JPH1: variants seen among roughly 807,000 people sequenced by gnomAD.
JPH1 encodes the protein junctophilin 1.
In JPH1, 12 loss-of-function variants were observed where a neutral mutation model predicts 53.6. That is an observed-to-expected ratio of 0.22 (90% CI 0.14 to 0.36). The LOEUF is 0.36. JPH1 is among the 10% of genes least tolerant of loss of function. The pLI is 1.00. For missense variants in JPH1, 808 were observed against 905.5 expected, an observed-to-expected ratio of 0.89 and a Z score of 1.38; for synonymous variants, 375 against 363.8, an observed-to-expected ratio of 1.03 and a Z score of -0.35.
In JPH1 at chr8:74,320,740, C is replaced by A. The variant is rs1377808795; in HGVS notation, c.379+169G>T. Among the ~76,000 whole-genome samples, 1 of 152,178 alleles carries A rather than the reference C, an allele frequency of 6.6e-6. No homozygotes were observed. The highest frequency in any genetic ancestry group is 1.5e-5 in the Non-Finnish European group (1 of 68,014). The stretch of plus-strand genomic sequence containing the variant: ...CCCTCGCGCCCCAGTCCGGTCCCAG[C>A]GCCCTCTCTGGGAAAGGCGGGCGCG... On this transcript the variant is annotated intron_variant, in intron 1 of 5. Coordinates refer to ENST00000342232, the MANE Select transcript of JPH1 (RefSeq NM_020647.4). This position sits in a 1 kb window ranked among gnomAD's most constrained non-coding sequence, Gnocchi z 4.4.
intron 4 of JPH1, among the ~76,000 whole-genome samples, 160 bp from the exon 5 acceptor site, chr8:74,237,463 T>C (rs756049650): frequency 1.6e-4 from 25 of 152,146 alleles, no homozygotes; most frequent in Non-Finnish European, 2.5e-4. Flanking sequence ...AAAACGGCAA[T>C]GCTATGTTTA....
intron 2 of JPH1, among the ~76,000 whole-genome samples, chr8:74,262,734 T>C (rs1423859919): frequency 6.6e-6 from 1 of 152,220 alleles, no homozygotes; most frequent in Non-Finnish European, 1.5e-5. Flanking sequence ...TGTGAAGAGT[T>C]GCACCTTATG....
chr8:74,310,983 C>T (rs568403662), intron 2 of JPH1, among the ~76,000 whole-genome samples: 1 of 152,278 alleles, frequency 6.6e-6, no homozygotes, highest in East Asian at 1.9e-4. Flanking sequence ...GCTCTCTTGG[C>T]CTTTCCAGAT....
chr8:74,306,263 T>C (rs1221274875), intron 2 of JPH1, among the ~76,000 whole-genome samples: 1 of 152,148 alleles, frequency 6.6e-6, no homozygotes, highest in East Asian at 1.9e-4. Flanking sequence ...AGCTGGCACC[T>C]AGGTCATCTT....
rs16938828 is a variant in JPH1 at position 74,244,564 on chromosome 8, C to G, written c.1870G>C (p.Asp624His). The change falls in exon 4 of 6, where the codon GAT becomes CAT. Residue 624 changes from aspartate to histidine, a missense_variant. Coordinates refer to ENST00000342232, the MANE Select transcript of JPH1 (RefSeq NM_020647.4). ...TCTTTTTCCAAAGCAGGGCATGAAT[C>G]GTTGCTTGCTGGATTCTTTGGTATA... is the stretch of plus-strand genomic sequence containing the variant. ...LAIPKNPASN[D>H]SCPALEKEAN... 0.016 allele frequency: 25,348 copies of G among 1,612,150 alleles called. 269 individuals are homozygous for G. The highest frequency in any genetic ancestry group is 0.021 in the South Asian group (1,908 of 90,670).
Position 74,321,120 on chromosome 8 carries a change from G to T in JPH1, c.168C>A (p.Ser56Arg). The stretch of plus-strand genomic sequence containing the variant: ...CCCAGTAGCCCTGGTAGGTGTTGCC[G>T]CTGGGCCAGGTGTAGCCTCCGACCA... ...FEVVGGYTWP[S>R]GNTYQGYWAQ... The change falls in exon 1 of 6, where the codon AGC (serine) becomes AGA (arginine). Residue 56 changes from serine (S) to arginine (R), a missense_variant. This residue lies in a region of JPH1 where 52 missense variants were observed against 93.6 expected (regional missense o/e 0.56). Transcript: ENST00000342232. The surrounding 1 kb of genome is among the most constrained non-coding windows in gnomAD (Gnocchi z 4.3). The T allele has an allele frequency of 6.2e-7, 1 of 1,613,450 alleles. No homozygotes were observed. The highest frequency in any genetic ancestry group is 8.5e-7 in the Non-Finnish European group (1 of 1,179,774).
At position 74,306,007 on chromosome 8, in the gene JPH1, G is replaced by T. The variant is rs1807822157; in HGVS notation, c.1139+8854C>A. 2.0e-5 allele frequency among the ~76,000 whole-genome samples: 3 copies of T among 149,250 alleles called. No individual in the cohort carries two copies. In the South Asian group the frequency reaches 6.2e-4, roughly 31 times the overall value. ...GAGGGCTGGAGAAAGAGTTTTTTTT[G>T]TTTTGTTTTGTTTTGTTTTAAAGAA... On this transcript the variant is annotated intron_variant, in intron 2 of 5. Transcript: ENST00000342232.
chr8:74,276,074 A>G (rs939704101), intron 2 of JPH1, among the ~76,000 whole-genome samples: 16 of 152,224 alleles, frequency 1.1e-4, no homozygotes, highest in African/African-American at 3.4e-4. Flanking sequence ...TGAAAGGGTT[A>G]TGGGTCATTA....
intron 3 of JPH1, among the ~76,000 whole-genome samples, chr8:74,249,529 G>C (rs1805974988): frequency 6.6e-6 from 1 of 152,168 alleles, no homozygotes; most frequent in Admixed American, 6.5e-5. Context: ...CCCTGCACTT[G>C]GCTGGCACTC....
In JPH1 at chr8:74,244,891, T is replaced by C. The variant is rs1289959364; in HGVS notation, c.1543A>G (p.Met515Val). Reference sequence around the variant, plus strand: ...GCCTCCTTCGTGGGAGCCTTTGACATCAAGGGCTTATTGACAATGGCCGTC... The same window carrying C: ...GCCTCCTTCGTGGGAGCCTTTGACACCAAGGGCTTATTGACAATGGCCGTC... ...QVTAIVNKPLMSKAPTKEAGA... is the reference protein window; with the variant it reads ...QVTAIVNKPLVSKAPTKEAGA... Residue 515 changes from methionine (M) to valine (V), a missense_variant, in exon 4 of 6, where the codon ATG becomes GTG. Met to Val is a conservative substitution (Grantham distance 21). Around this residue, in one of 2 missense-constraint regions of JPH1, gnomAD observed 756 missense variants for 811.9 expected, o/e 0.93. Transcript: ENST00000342232. The C allele has an allele frequency of 6.2e-7, 1 of 1,614,032 alleles. No individual in the cohort carries two copies. The highest frequency in any genetic ancestry group is 1.3e-5 in the African/African-American group (1 of 74,906).
chr8:74,315,645 C>T lies in JPH1; in HGVS notation c.380-25G>A, dbSNP rs780533673. ...CCTTGGAGAGACCGCAAGAAAGCAC[C>T]GTGAGTCGGGGGCAGAGCTGCACCG... On this transcript the variant is annotated intron_variant, in intron 1 of 5. Transcript: ENST00000342232. This position sits in a 1 kb window ranked among gnomAD's most constrained non-coding sequence, Gnocchi z 6.3. 1.9e-6 allele frequency: 3 copies of T among 1,568,720 alleles called. No homozygotes were observed. In the South Asian group the frequency reaches 3.5e-5, roughly 18 times the overall value.
intron 3 of JPH1, among the ~76,000 whole-genome samples, chr8:74,247,511 T>C (rs575624876): frequency 6.6e-6 from 1 of 152,274 alleles, no homozygotes; most frequent in East Asian, 1.9e-4. Context: ...ATTGCCAATA[T>C]CTACTAAGAT....
chr8:74,320,981 G>C lies in JPH1; in HGVS notation c.307C>G (p.Pro103Ala), dbSNP rs1387267462. ...CTCCAGGTACCCTCGTAGCGAGCGG[G>C]GGTGCACAGGCTCTGCCGGACCCCG... is the stretch of plus-strand genomic sequence containing the variant. ...RYGVRQSLCTPARYEGTWSNG... is the reference protein window; with the variant it reads ...RYGVRQSLCTAARYEGTWSNG... Residue 103 changes from proline to alanine, a missense_variant, in exon 1 of 6, where the codon CCC becomes GCC. By Grantham distance (27) the Pro-to-Ala change is conservative. Around this residue, in one of 2 missense-constraint regions of JPH1, gnomAD observed 756 missense variants for 811.9 expected, o/e 0.93. Transcript: ENST00000342232. The surrounding 1 kb of genome is among the most constrained non-coding windows in gnomAD (Gnocchi z 4.4). 6.2e-7 allele frequency: 1 copy of C among 1,611,862 alleles called. No homozygotes were observed. Among genetic ancestry groups the C allele is most frequent in the South Asian group, 1.1e-5 (1 of 90,748 alleles).
At chr8:74,283,098 C>G (rs183112707) in intron 2 of JPH1, among the ~76,000 whole-genome samples, 1 of 152,120 alleles carries the variant, frequency 6.6e-6, no homozygotes, top group Admixed American at 6.5e-5. Flanking sequence ...AGGGGAGCAG[C>G]GAGTAAAACG....
chr8:74,268,117 T>A (rs1806588405), intron 2 of JPH1, among the ~76,000 whole-genome samples: 1 of 152,196 alleles, frequency 6.6e-6, no homozygotes, highest in Admixed American at 6.5e-5. Context: ...AGAGTTGTTC[T>A]GGGATGAGGA....
At chr8:74,249,354 C>G (rs1276859953) in intron 3 of JPH1, among the ~76,000 whole-genome samples, 1 of 152,134 alleles carries the variant, frequency 6.6e-6, no homozygotes, top group Non-Finnish European at 1.5e-5. Flanking sequence ...TTGAAAGAGT[C>G]TAAAAAAATT....
chr8:74,277,813 T>C (rs1191056124), intron 2 of JPH1, among the ~76,000 whole-genome samples: 1 of 152,172 alleles, frequency 6.6e-6, no homozygotes. Context: ...TATTTATCCA[T>C]TTGATTAATA....
At chr8:74,274,596 G>A (rs546631314) in intron 2 of JPH1, among the ~76,000 whole-genome samples, 171 of 152,290 alleles carry the variant, frequency 1.1e-3, no homozygotes, top group African/African-American at 3.9e-3. Context: ...GAGGGTATAA[G>A]CTCTTACCTG....
chr8:74,284,575 C>G (rs1192451324), intron 2 of JPH1, among the ~76,000 whole-genome samples: 2 of 152,078 alleles, frequency 1.3e-5, no homozygotes, highest in African/African-American at 2.4e-5. Flanking sequence ...ATTGAAACAG[C>G]CTTTCCGACT....
Sources: allele counts gnomAD v4.1 joint callset (sites outside exome capture counted in the v4.1 genomes callset), GRCh38; gene constraint gnomAD v4.1.1; regional missense constraint gnomAD v4.1.1; non-coding constraint Gnocchi (gnomAD v3.1); transcripts MANE v1.5; gene names NCBI Gene and HGNC (gene_info 2026-07-23, HGNC 2026-07-21).